KRAS: variants seen among roughly 807,000 people sequenced by gnomAD.
KRAS encodes KRas proto-oncogene, GTPase, also known as GTPase KRas.
A neutral mutation model predicts 21.0 loss-of-function variants in KRAS; 1 was observed. The ratio of observed to expected loss-of-function variants is 0.05; its 90% CI spans 0.02 to 0.23. KRAS has a LOEUF of 0.23. KRAS is among the 10% of genes least tolerant of loss of function. The pLI is 1.00. For missense variants in KRAS, 107 were observed against 221.8 expected, an observed-to-expected ratio of 0.48 and a Z score of 3.29; for synonymous variants, 67 against 72.5, an observed-to-expected ratio of 0.92 and a Z score of 0.39.
At chr12:25,231,751 T>C (rs1951474478) in intron 2 of KRAS, among the ~76,000 whole-genome samples, 1 of 152,228 alleles carries the variant, frequency 6.6e-6, no homozygotes, top group African/African-American at 2.4e-5. Context: ...AAATTCAGTA[T>C]TTTTAGAGTT....
chr12:25,213,196 A>C (rs904601875), intron 4 of KRAS, among the ~76,000 whole-genome samples: 1 of 152,198 alleles, frequency 6.6e-6, no homozygotes, highest in Non-Finnish European at 1.5e-5. Context: ...TGTGACATTC[A>C]CCTACAGTCA....
intron 2 of KRAS, among the ~76,000 whole-genome samples, chr12:25,229,127 CA>C (rs1403181701): frequency 4.0e-5 from 6 of 151,806 alleles, no homozygotes; most frequent in South Asian, 2.1e-4. Context: ...TATTTTACCA[CA>C]AAAAAAAATT....
intron 1 of KRAS, among the ~76,000 whole-genome samples, chr12:25,247,480 C>T (rs1382305899): frequency 1.3e-5 from 2 of 152,256 alleles, no homozygotes; most frequent in East Asian, 1.9e-4. Context: ...TATCTTATCC[C>T]GTTTGCCTCC....
intron 2 of KRAS, among the ~76,000 whole-genome samples, chr12:25,239,090 A>G (rs1951578037): frequency 6.6e-6 from 1 of 152,190 alleles, no homozygotes; most frequent in Non-Finnish European, 1.5e-5. Flanking sequence ...AAAGTACAGA[A>G]ATGTTATTTA....
At position 25,208,482 on chromosome 12, in the gene KRAS, TAA is replaced by T. The variant is rs1274464019; in HGVS notation, c.*1311_*1312del. ...GAGAACTAGCCAAACCTAGAGATTG[TAA>T]AACTTTTTCACTTCATTGTTTAAAA... On this transcript the variant is annotated 3_prime_UTR_variant, in exon 5 of 5. Transcript: ENST00000311936. 8.6e-6 allele frequency: 2 copies of T among 233,174 alleles called. No individual in the cohort carries two copies. The highest frequency in any genetic ancestry group is 1.1e-4 in the Admixed American group (2 of 17,768). The allele number at this position is 233,174 out of a possible 1,614,324, so 14.4% of individuals were successfully genotyped here. A position where few individuals can be genotyped will look rare whatever the true frequency, so the allele number is the denominator to read the frequency against.
intron 1 of KRAS, 119 bp from the exon 2 acceptor site, chr12:25,245,514 A>T: frequency 1.9e-6 from 2 of 1,028,744 alleles, no homozygotes; most frequent in East Asian, 2.6e-5. Flanking sequence ...ATGAAAAATT[A>T]TTTCAAAATA....
intron 2 of KRAS, among the ~76,000 whole-genome samples, chr12:25,231,673 C>T (rs192381837): frequency 1.2e-3 from 176 of 152,110 alleles, no homozygotes; most frequent in African/African-American, 4.0e-3. Flanking sequence ...AGACACATTC[C>T]GTTTCAAAGT....
intron 2 of KRAS, chr12:25,233,727 G>T (rs957291967): frequency 1.4e-5 from 3 of 210,460 alleles, no homozygotes; most frequent in African/African-American, 4.5e-5. Flanking sequence ...TAGGGCTCAC[G>T]CCTGTTGTAC....
At chr12:25,231,050 C>A (rs1282058758) in intron 2 of KRAS, among the ~76,000 whole-genome samples, 1 of 150,060 alleles carries the variant, frequency 6.7e-6, no homozygotes, top group Non-Finnish European at 1.5e-5. Flanking sequence ...GCATGTAAAG[C>A]TGACCAAAGA....
chr12:25,227,207 A>T, intron 3 of KRAS, 27 bp downstream of exon 3: 1 of 1,532,332 alleles, frequency 6.5e-7, no homozygotes, highest in Non-Finnish European at 9.0e-7. Context: ...CCTTAATGTC[A>T]GCTTATTATA....
intron 1 of KRAS, among the ~76,000 whole-genome samples, chr12:25,247,670 A>G (rs1443521982): frequency 1.3e-5 from 2 of 152,220 alleles, no homozygotes; most frequent in Non-Finnish European, 2.9e-5. Flanking sequence ...CTGGTGTGCA[A>G]GAGGTCAAAA....
chr12:25,212,492 A>AG (rs1951209315), intron 4 of KRAS, among the ~76,000 whole-genome samples: 1 of 152,166 alleles, frequency 6.6e-6, no homozygotes, highest in Admixed American at 6.5e-5. Flanking sequence ...TGGGAGGCTG[A>AG]GGCAGGAGAA....
chr12:25,240,041 A>C (rs1027988787), intron 2 of KRAS, among the ~76,000 whole-genome samples: 2 of 152,144 alleles, frequency 1.3e-5, no homozygotes, highest in African/African-American at 2.4e-5. Context: ...TACTTTTTTC[A>C]ATGTTTTATT....
intron 1 of KRAS, among the ~76,000 whole-genome samples, chr12:25,248,051 A>C (rs539554768): frequency 7.9e-5 from 12 of 152,182 alleles, no homozygotes; most frequent in Non-Finnish European, 1.8e-4. Context: ...CTTTATAACA[A>C]GGTCTCACTA....
chr12:25,244,090 T>C (rs1002224238), intron 2 of KRAS, among the ~76,000 whole-genome samples: 10 of 152,174 alleles, frequency 6.6e-5, no homozygotes, highest in Non-Finnish European at 1.3e-4. Flanking sequence ...CATAAATATC[T>C]TCCCAAGGCC....
intron 4 of KRAS, among the ~76,000 whole-genome samples, chr12:25,223,446 C>A (rs1951352721): frequency 6.6e-6 from 1 of 152,066 alleles, no homozygotes; most frequent in African/African-American, 2.4e-5. Flanking sequence ...GTCTTTGGAA[C>A]CTGGAAATGG....
intron 2 of KRAS, chr12:25,234,941 T>A (rs1468702753): frequency 3.7e-6 from 1 of 267,924 alleles, no homozygotes; most frequent in Non-Finnish European, 7.0e-6. Flanking sequence ...CTAAAGAAAC[T>A]AATAACTTTT....
At chr12:25,234,413 T>C in intron 2 of KRAS, 1 of 182,292 alleles carries the variant, frequency 5.5e-6, no homozygotes, top group Non-Finnish European at 1.2e-5. Context: ...TATACTACTA[T>C]TCTATAAAGC....
chr12:25,226,217 T>C (rs1370312719), intron 3 of KRAS, among the ~76,000 whole-genome samples: 1 of 152,182 alleles, frequency 6.6e-6, no homozygotes, highest in Non-Finnish European at 1.5e-5. Flanking sequence ...ACTAGAAAGA[T>C]TTTGATTTCT....
Sources: allele counts gnomAD v4.1 joint callset (sites outside exome capture counted in the v4.1 genomes callset), GRCh38; gene constraint gnomAD v4.1.1; transcripts MANE v1.5; gene names NCBI Gene and HGNC (gene_info 2026-07-23, HGNC 2026-07-21).